Variants in CHSY1 observed in about 807,000 individuals in gnomAD.
CHSY1 encodes the protein chondroitin sulfate synthase 1.
Under a neutral mutation model 59.8 loss-of-function variants are expected in CHSY1, and 13 were observed. That is an observed-to-expected ratio of 0.22 (90% confidence interval 0.14 to 0.35). CHSY1 has a LOEUF of 0.35. Among genes scored for constraint, CHSY1 ranks in the 10% least tolerant of loss-of-function variants. CHSY1 has a pLI of 1.00. For missense variants in CHSY1, 947 were observed against 1,030.6 expected (o/e 0.92, Z 1.11); for synonymous variants, 459 against 401.2 (o/e 1.14, Z -1.72).
At chr15:101,241,247 C>T (rs755756333) in intron 1 of CHSY1, among the ~76,000 whole-genome samples, 3 of 152,182 alleles carry the variant, frequency 2.0e-5, no homozygotes, top group Non-Finnish European at 2.9e-5. Context: ...CCTGCCACCA[C>T]GCCCAGCTAA....
intron 2 of CHSY1, among the ~76,000 whole-genome samples, chr15:101,224,330 T>C (rs1250101114): frequency 1.3e-5 from 2 of 152,224 alleles, no homozygotes; most frequent in Non-Finnish European, 2.9e-5. Flanking sequence ...ATCAAACATA[T>C]GACTGGGGGC....
rs998223153 is a variant in CHSY1 at position 101,179,753 on chromosome 15, C to T, written c.817-773G>A. ...GCTGGCAGATGGGAAACATGCAGGA[C>T]GCACAGGGCTCACCATTCCACCAAC... On this transcript the variant is annotated intron_variant, in intron 2 of 2. Coordinates refer to ENST00000254190, the MANE Select transcript of CHSY1 (RefSeq NM_014918.5). 4.6e-5 allele frequency among the ~76,000 whole-genome samples: 7 copies of T among 152,342 alleles called. No individual in the cohort carries two copies. The South Asian group carries it at 6.2e-4, about 14-fold the overall frequency.
chr15:101,204,898 C>T (rs1480700436), intron 2 of CHSY1, among the ~76,000 whole-genome samples: 2 of 152,170 alleles, frequency 1.3e-5, no homozygotes, highest in Non-Finnish European at 2.9e-5. Flanking sequence ...GAACGAGACT[C>T]CATCCCCCCG....
chr15:101,188,863 G>A (rs763132062), intron 2 of CHSY1, among the ~76,000 whole-genome samples: 3 of 152,092 alleles, frequency 2.0e-5, no homozygotes, highest in South Asian at 2.1e-4. Flanking sequence ...TCTGCAGTCC[G>A]AAAACTATCT....
At chr15:101,236,840 T>A (rs566768539) in intron 1 of CHSY1, among the ~76,000 whole-genome samples, 11 of 149,898 alleles carry the variant, frequency 7.3e-5, no homozygotes, top group African/African-American at 2.2e-4. Context: ...AATAAATAAA[T>A]AAAATAATTT....
chr15:101,199,407 G>A (rs1314152285), intron 2 of CHSY1, among the ~76,000 whole-genome samples: 1 of 152,212 alleles, frequency 6.6e-6, no homozygotes, highest in Non-Finnish European at 1.5e-5. Flanking sequence ...GGAGACTGAG[G>A]CAGGAGAATC....
chr15:101,227,673 TAAGTG>T (rs1027490998), intron 2 of CHSY1, among the ~76,000 whole-genome samples: 1 of 152,174 alleles, frequency 6.6e-6, no homozygotes, highest in African/African-American at 2.4e-5. Context: ...GTTAAGTAGT[TAAGTG>T]AAGTTTAAGG....
At chr15:101,225,449 A>G (rs564841833) in intron 2 of CHSY1, among the ~76,000 whole-genome samples, 12 of 152,292 alleles carry the variant, frequency 7.9e-5, no homozygotes, top group African/African-American at 2.9e-4. Flanking sequence ...GTCCCCACCC[A>G]TATCTCATGT....
chr15:101,207,947 G>T (rs750008556), intron 2 of CHSY1, among the ~76,000 whole-genome samples: 2 of 152,202 alleles, frequency 1.3e-5, no homozygotes, highest in African/African-American at 4.8e-5. Context: ...CAGGTAGGCC[G>T]CCAACCCTTG....
intron 1 of CHSY1, among the ~76,000 whole-genome samples, chr15:101,241,403 T>A (rs1018174758): frequency 1.3e-5 from 2 of 152,228 alleles, no homozygotes; most frequent in African/African-American, 4.8e-5. Flanking sequence ...GTCTTCCTTG[T>A]GTTTTCTAAA....
In CHSY1 at chr15:101,251,118, C is replaced by A. The variant is rs747098712; in HGVS notation, c.320+19G>T. 6.4e-7 allele frequency: 1 copy of A among 1,560,350 alleles called. No homozygotes were observed. Among genetic ancestry groups the A allele is most frequent in the Admixed American group, 1.8e-5 (1 of 54,760 alleles). On this transcript the variant is annotated intron_variant, in intron 1 of 2. Transcript: ENST00000254190. The stretch of plus-strand genomic sequence containing the variant: ...GGATGCCGGACGCAGGAGGCGGTGC[C>A]CGGGGAGCAGGGGCTCACCTGTAGG...
At chr15:101,201,266 T>C (rs1018042551) in intron 2 of CHSY1, among the ~76,000 whole-genome samples, 7 of 152,150 alleles carry the variant, frequency 4.6e-5, no homozygotes, top group African/African-American at 1.7e-4. Flanking sequence ...ATCCACTACA[T>C]AAAGAAAATA....
chr15:101,223,899 T>C (rs561704339), intron 2 of CHSY1, among the ~76,000 whole-genome samples: 18 of 152,408 alleles, frequency 1.2e-4, no homozygotes, highest in Admixed American at 2.0e-4. Flanking sequence ...TTTACAGTCC[T>C]GGCCCCTGTA....
chr15:101,221,260 G>A (rs1054874238), intron 2 of CHSY1, among the ~76,000 whole-genome samples: 10 of 152,180 alleles, frequency 6.6e-5, no homozygotes, highest in Non-Finnish European at 1.3e-4. Context: ...CTGGAAGGCC[G>A]AGGTGGGCGG....
chr15:101,228,537 T>C (rs2038863118), intron 2 of CHSY1, among the ~76,000 whole-genome samples: 1 of 151,918 alleles, frequency 6.6e-6, no homozygotes, highest in African/African-American at 2.4e-5. Context: ...TCAGAAACCA[T>C]GAAGGCCAGA....
In CHSY1 at chr15:101,177,790, A is replaced by G; in HGVS notation, c.2007T>C (p.Tyr669=). ...IFSQYDPKIV[Y]SGKVPSDNHF... ...GGTTGTCACTGGGAACTTTCCCACTATAAACAATCTTTGGGTCATACTGGC... is the reference window on the plus strand; with the variant it reads ...GGTTGTCACTGGGAACTTTCCCACTGTAAACAATCTTTGGGTCATACTGGC... The change falls in exon 3 of 3, where the codon TAT becomes TAC. Residue 669 remains tyrosine, a synonymous_variant. Coordinates refer to ENST00000254190, the MANE Select transcript of CHSY1 (RefSeq NM_014918.5). 6.2e-7 allele frequency: 1 copy of G among 1,614,222 alleles called. No homozygotes were observed. The highest frequency in any genetic ancestry group is 8.5e-7 in the Non-Finnish European group (1 of 1,180,020).
At chr15:101,212,603 G>C (rs1395501938) in intron 2 of CHSY1, among the ~76,000 whole-genome samples, 1 of 152,216 alleles carries the variant, frequency 6.6e-6, no homozygotes, top group African/African-American at 2.4e-5. Flanking sequence ...TGGTTGCCTT[G>C]AGCTGGGAGA....
chr15:101,216,933 C>A (rs370353130), intron 2 of CHSY1, among the ~76,000 whole-genome samples: 1 of 152,134 alleles, frequency 6.6e-6, no homozygotes, highest in African/African-American at 2.4e-5. Flanking sequence ...GGATGGAATG[C>A]AGAGTGTGAC....
Position 101,220,734 on chromosome 15 carries a change from A to C in CHSY1, c.816+14348T>G, listed in dbSNP as rs527544512. 3.3e-5 allele frequency among the ~76,000 whole-genome samples: 5 copies of C among 152,326 alleles called. No individual in the cohort carries two copies. The South Asian group carries it at 1.0e-3, about 32-fold the overall frequency. The stretch of plus-strand genomic sequence containing the variant: ...CTTATCACAGAAGGGGACAGGCCTC[A>C]CAGGACGCTGCCCCTCTCACTCACG... On this transcript the variant is annotated intron_variant, in intron 2 of 2. Coordinates refer to ENST00000254190, the MANE Select transcript of CHSY1 (RefSeq NM_014918.5).
Sources: allele counts gnomAD v4.1 joint callset (sites outside exome capture counted in the v4.1 genomes callset), GRCh38; gene constraint gnomAD v4.1.1; transcripts MANE v1.5; gene names NCBI Gene and HGNC (gene_info 2026-07-23, HGNC 2026-07-21).